SMOC2: variants seen among roughly 807,000 people sequenced by gnomAD.
The protein encoded by SMOC2 is SPARC related modular calcium binding 2.
SMOC2 carries 39 observed loss-of-function variants against 61.4 expected under a neutral mutation model. That is an observed-to-expected ratio of 0.64 (90% CI 0.49 to 0.83). The LOEUF (loss-of-function observed/expected upper bound fraction) is 0.83, where lower values mean the gene tolerates loss of function less well. Ranked by LOEUF, SMOC2 falls within the 40% of genes least tolerant of loss-of-function variation. SMOC2 has a pLI of 0.00. For missense variants in SMOC2, 556 were observed against 592.9 expected (o/e 0.94, Z 0.65); for synonymous variants, 247 against 239.9 (o/e 1.03, Z -0.27).
chr6:168,640,456 A>G (rs974829151), intron 9 of SMOC2, among the ~76,000 whole-genome samples: 4 of 152,220 alleles, frequency 2.6e-5, no homozygotes, highest in African/African-American at 7.2e-5. Flanking sequence ...AGCTCACACT[A>G]GACTAACCCC....
intron 9 of SMOC2, among the ~76,000 whole-genome samples, chr6:168,618,440 GCGGGT>G (rs1195616509): frequency 2.0e-5 from 3 of 151,152 alleles, no homozygotes; most frequent in African/African-American, 7.3e-5. Flanking sequence ...TGGAGGAGAG[GCGGGT>G]AGTGGCATTA....
intron 2 of SMOC2, among the ~76,000 whole-genome samples, chr6:168,518,122 C>T (rs906414033): frequency 6.6e-6 from 1 of 152,234 alleles, no homozygotes; most frequent in Non-Finnish European, 1.5e-5. Flanking sequence ...CACAGCCTCG[C>T]CTTGGAGGAA....
At chr6:168,509,847 C>T in intron 1 of SMOC2, 68 bp from the exon 2 acceptor site, 4 of 1,487,576 alleles carry the variant, frequency 2.7e-6, no homozygotes, top group Non-Finnish European at 3.6e-6. Context: ...CTGAGGCAGC[C>T]TTCTGTTTTC....
chr6:168,454,285 T>A (rs1361724075), intron 1 of SMOC2, among the ~76,000 whole-genome samples: 1 of 152,096 alleles, frequency 6.6e-6, no homozygotes, highest in Admixed American at 6.5e-5. Flanking sequence ...CTCTGAGAGC[T>A]GAGGCATCGC....
intron 8 of SMOC2, among the ~76,000 whole-genome samples, chr6:168,605,841 T>C (rs6928158): frequency 2.4e-3 from 362 of 152,286 alleles, no homozygotes; most frequent in African/African-American, 8.2e-3. Flanking sequence ...TAAGGAGGTG[T>C]GCCCTCTGAT....
chr6:168,526,180 C>G (rs1583080965), intron 2 of SMOC2, among the ~76,000 whole-genome samples, 166 bp from the exon 3 acceptor site: 1 of 152,366 alleles, frequency 6.6e-6, no homozygotes, highest in East Asian at 1.9e-4. Context: ...TGCCCTTCTT[C>G]TGAGGCTCCC....
intron 7 of SMOC2, among the ~76,000 whole-genome samples, chr6:168,574,309 T>C (rs1784743019): frequency 6.6e-6 from 1 of 152,208 alleles, no homozygotes; most frequent in South Asian, 2.1e-4. Flanking sequence ...CGGGCCTCCA[T>C]AGGGCAGGTC....
At chr6:168,596,375 T>G (rs1785336263) in intron 7 of SMOC2, among the ~76,000 whole-genome samples, 1 of 149,606 alleles carries the variant, frequency 6.7e-6, no homozygotes, top group Non-Finnish European at 1.5e-5. Context: ...TGGGTGCTGC[T>G]GGAGAGGAAT....
chr6:168,516,000 T>A (rs908699029), intron 2 of SMOC2, among the ~76,000 whole-genome samples: 4 of 152,230 alleles, frequency 2.6e-5, no homozygotes, highest in Admixed American at 2.6e-4. Flanking sequence ...CTGGCTAGTG[T>A]AGCACAGTGT....
chr6:168,584,348 G>A (rs117255025), intron 7 of SMOC2, among the ~76,000 whole-genome samples: 2,420 of 152,240 alleles, frequency 0.016, 84 homozygotes, highest in Admixed American at 0.072. Context: ...ACTTTCTAAT[G>A]AAAACCTCCT....
Position 168,637,250 on chromosome 6 carries a change from G to A in SMOC2, c.908-13431G>A, listed in dbSNP as rs562203208. On this transcript the variant is annotated intron_variant, in intron 9 of 12. Transcript: ENST00000356284. ...AACCATGCAGTGTGAAGCTGGGTGTGGTCCATTAACAAACCCAGATGACGC... is the reference window on the plus strand; with the variant it reads ...AACCATGCAGTGTGAAGCTGGGTGTAGTCCATTAACAAACCCAGATGACGC... Among the ~76,000 whole-genome samples, 6 of 152,200 alleles carry A rather than the reference G, an allele frequency of 3.9e-5. No individual in the cohort carries two copies. In the East Asian group the frequency reaches 9.7e-4, roughly 25 times the overall value.
At chr6:168,601,826 C>T (rs1216105828) in intron 8 of SMOC2, among the ~76,000 whole-genome samples, 1 of 152,002 alleles carries the variant, frequency 6.6e-6, no homozygotes, top group Non-Finnish European at 1.5e-5. Context: ...AACACAGTAA[C>T]CCCTCTCTTC....
chr6:168,496,737 A>G (rs1782600262), intron 1 of SMOC2, among the ~76,000 whole-genome samples: 2 of 152,212 alleles, frequency 1.3e-5, no homozygotes, highest in South Asian at 4.1e-4. Context: ...CCCATCTCCA[A>G]GATTGCACTG....
chr6:168,586,483 C>T (rs1249532856), intron 7 of SMOC2, among the ~76,000 whole-genome samples: 1 of 152,092 alleles, frequency 6.6e-6, no homozygotes, highest in East Asian at 1.9e-4. Context: ...TTCACATTTT[C>T]CTATTTGTTT....
rs1786041253 is a variant in SMOC2, at chr6:168,615,255, C to CAG, written c.907+7016_907+7017insAG. On this transcript the variant is annotated intron_variant, in intron 9 of 12. Coordinates refer to ENST00000356284, the MANE Select transcript of SMOC2 (RefSeq NM_001166412.2). The stretch of plus-strand genomic sequence containing the variant: ...GGCCTCTTCACACCTACAGCCAGCA[C>CAG]GGGGCCTTTTCACACCTACAGCCAG... 5.8e-4 allele frequency among the ~76,000 whole-genome samples: 55 copies of CAG among 94,360 alleles called. 2 individuals are homozygous for CAG. Among genetic ancestry groups the CAG allele is most frequent in the Non-Finnish European group, 7.9e-4 (36 of 45,562 alleles). The allele number at this position is 94,360 out of a possible 152,430, so 61.9% of individuals were successfully genotyped here.
At position 168,598,863 on chromosome 6, in the gene SMOC2, A is replaced by T. The variant is rs1326234379; in HGVS notation, c.683A>T (p.Lys228Met). The T allele has an allele frequency of 6.2e-7, 1 of 1,613,876 alleles. No homozygotes were observed. Among genetic ancestry groups the T allele is most frequent in the Admixed American group, 1.7e-5 (1 of 60,008 alleles). ...CACCAGTCTGCCCTGGAGGAAGCCA[A>T]GCAGCCCAAGAACGACAATGTGGTG... ...QEHQSALEEA[K>M]QPKNDNVVIP... is the part of the protein sequence containing the mutation. The change falls in exon 8 of 13, where the codon AAG becomes ATG. Residue 228 changes from lysine (K) to methionine (M), a missense_variant. Lys to Met is a moderately conservative substitution (Grantham distance 95, BLOSUM62 -1). Transcript: ENST00000356284.
At chr6:168,565,836 G>A (rs1428074764) in intron 7 of SMOC2, among the ~76,000 whole-genome samples, 1 of 152,174 alleles carries the variant, frequency 6.6e-6, no homozygotes, top group Admixed American at 6.5e-5. Context: ...TGCTTGTGAT[G>A]TCTAGTAAAG....
intron 11 of SMOC2, among the ~76,000 whole-genome samples, chr6:168,662,508 C>T (rs1029535211): frequency 6.6e-6 from 1 of 152,210 alleles, no homozygotes; most frequent in African/African-American, 2.4e-5. Context: ...GAGGAACAGG[C>T]ATCCGGAGTG....
intron 1 of SMOC2, among the ~76,000 whole-genome samples, chr6:168,508,921 G>A (rs1562561649): frequency 6.6e-6 from 1 of 152,196 alleles, no homozygotes; most frequent in African/African-American, 2.4e-5. Context: ...CCTTGGGGCA[G>A]GTGATAGTCT....
Sources: allele counts gnomAD v4.1 joint callset (sites outside exome capture counted in the v4.1 genomes callset), GRCh38; gene constraint gnomAD v4.1.1; transcripts MANE v1.5; gene names NCBI Gene and HGNC (gene_info 2026-07-23, HGNC 2026-07-21).